The following RCSD1 variants were observed in gnomAD, a reference collection of about 807,000 sequenced individuals.
RCSD1 encodes the protein RCSD domain containing 1.
A neutral mutation model predicts 42.5 loss-of-function variants in RCSD1; 26 were observed. The ratio of observed to expected loss-of-function variants is 0.61; its 90% CI spans 0.45 to 0.85. The LOEUF (loss-of-function observed/expected upper bound fraction) is 0.85. Among genes scored for constraint, RCSD1 ranks in the 40% least tolerant of loss-of-function variants. RCSD1 has a pLI of 0.00. For missense variants in RCSD1, 571 were observed against 528.3 expected (o/e 1.08, Z -0.79); for synonymous variants, 220 against 212.2 (o/e 1.04, Z -0.32).
intron 6 of RCSD1, among the ~76,000 whole-genome samples, chr1:167,698,809 TTTTG>T (rs2101722981): frequency 1.3e-5 from 2 of 152,074 alleles, no homozygotes; most frequent in African/African-American, 4.8e-5. Context: ...TTGTTTTTGT[TTTTG>T]TTTTGAGAAG....
At position 167,657,697 on chromosome 1, in the gene RCSD1, G is replaced by A. The variant is rs529616789; in HGVS notation, c.7-26203G>A. ...CTGAGCAGATGGACTGCTCACTGCA[G>A]CGTTGTTTTCCAGGTATTTGTTCCC... On this transcript the variant is annotated intron_variant, in intron 1 of 6. Coordinates refer to ENST00000367854, the MANE Select transcript of RCSD1 (RefSeq NM_052862.4). Among the ~76,000 whole-genome samples, 3 of 152,272 alleles carry A rather than the reference G, an allele frequency of 2.0e-5. No individual in the cohort carries two copies. In the South Asian group the frequency reaches 6.2e-4, roughly 32 times the overall value.
At chr1:167,656,417 G>A (rs1269366965) in intron 1 of RCSD1, among the ~76,000 whole-genome samples, 1 of 152,136 alleles carries the variant, frequency 6.6e-6, no homozygotes, top group Non-Finnish European at 1.5e-5. Context: ...TGCTTTTACT[G>A]GAATAAAATG....
intron 1 of RCSD1, among the ~76,000 whole-genome samples, chr1:167,669,666 C>T (rs1208511162): frequency 2.0e-5 from 3 of 152,218 alleles, no homozygotes; most frequent in Admixed American, 2.0e-4. Flanking sequence ...GAATTATTAT[C>T]ATTGATTTCT....
In RCSD1 at chr1:167,652,170, C is replaced by T. The variant is rs7547868; in HGVS notation, c.6+21741C>T. On this transcript the variant is annotated intron_variant, in intron 1 of 6. Transcript: ENST00000367854. Reference sequence around the variant, plus strand: ...CTGAGTAGCTGGGATTACAGGCATGCACCACCATGCCCGGCTAATTTTTGT... The same window carrying T: ...CTGAGTAGCTGGGATTACAGGCATGTACCACCATGCCCGGCTAATTTTTGT... Among the ~76,000 whole-genome samples, 870 of 152,144 alleles carry T rather than the reference C, an allele frequency of 5.7e-3. 6 individuals are homozygous for T. The highest frequency in any genetic ancestry group is 0.02 in the African/African-American group (823 of 41,500).
chr1:167,697,677 T>G lies in RCSD1; in HGVS notation c.1053T>G (p.Ser351Arg). ...EGAAVKETPH[S>R]PPGGVKGGDV... ...CTGCAGTGAAGGAGACCCCCCACAG[T>G]CCCCCTGGAGGAGTGAAGGGCGGAG... Residue 351 changes from serine (S) to arginine (R), a missense_variant, in exon 6 of 7, where the codon AGT (serine) becomes AGG (arginine). Coordinates refer to ENST00000367854, the MANE Select transcript of RCSD1 (RefSeq NM_052862.4). 1 of 1,603,520 alleles carries G rather than the reference T, an allele frequency of 6.2e-7. No homozygotes were observed. The highest frequency in any genetic ancestry group is 8.5e-7 in the Non-Finnish European group (1 of 1,175,602).
intron 1 of RCSD1, among the ~76,000 whole-genome samples, chr1:167,643,883 C>T (rs1176228301): frequency 3.3e-5 from 5 of 152,156 alleles, no homozygotes; most frequent in South Asian, 4.1e-4. Flanking sequence ...CAGCCTCCTG[C>T]GCTTTTGGTG....
At chr1:167,654,427 C>T (rs1363147782) in intron 1 of RCSD1, among the ~76,000 whole-genome samples, 1 of 152,104 alleles carries the variant, frequency 6.6e-6, no homozygotes, top group Non-Finnish European at 1.5e-5. Flanking sequence ...ACAAGTTTAT[C>T]AAGGATGATT....
intron 1 of RCSD1, among the ~76,000 whole-genome samples, chr1:167,659,634 C>A (rs1658498544): frequency 6.6e-6 from 1 of 152,204 alleles, no homozygotes; most frequent in African/African-American, 2.4e-5. Flanking sequence ...TCCCCTTGGA[C>A]CACGTGTCCA....
In RCSD1 at chr1:167,683,883, T is replaced by C. The variant is rs1659148448; in HGVS notation, c.7-17T>C. ...ACCCATTTGCTGATTAACTGTTTCT[T>C]CTTCTCCATTTGCCAGGAAAGACCG... On this transcript the variant is annotated splice_polypyrimidine_tract_variant and intron_variant, in intron 1 of 6. Coordinates refer to ENST00000367854, the MANE Select transcript of RCSD1 (RefSeq NM_052862.4). The C allele has an allele frequency of 1.9e-6, 3 of 1,612,474 alleles. No individual in the cohort carries two copies. The highest frequency in any genetic ancestry group is 2.5e-6 in the Non-Finnish European group (3 of 1,179,050).
chr1:167,658,257 TA>T (rs1454678869), intron 1 of RCSD1, among the ~76,000 whole-genome samples: 1 of 152,162 alleles, frequency 6.6e-6, no homozygotes, highest in Non-Finnish European at 1.5e-5. Context: ...CATAACTATA[TA>T]AAAAATTACA....
At chr1:167,658,308 C>G (rs1047734220) in intron 1 of RCSD1, among the ~76,000 whole-genome samples, 2 of 152,164 alleles carry the variant, frequency 1.3e-5, no homozygotes, top group African/African-American at 2.4e-5. Context: ...GATACACACA[C>G]AAGGGGTAAG....
chr1:167,685,435 A>G lies in RCSD1; in HGVS notation c.123A>G (p.Lys41=). The change falls in exon 3 of 7, where the codon AAA becomes AAG. Residue 41 remains lysine, a synonymous_variant. Coordinates refer to ENST00000367854, the MANE Select transcript of RCSD1 (RefSeq NM_052862.4). The part of the protein sequence containing the change: ...AAAAKETPAS[K]PTRRKPPCSL... ...CCTCCCTCCAGACACCAGCCAGTAA[A>G]CCAACCCGAAGGAAACCGCCCTGTT... 6.2e-7 allele frequency: 1 copy of G among 1,613,572 alleles called. No individual in the cohort carries two copies. The highest frequency in any genetic ancestry group is 8.5e-7 in the Non-Finnish European group (1 of 1,179,794).
intron 1 of RCSD1, among the ~76,000 whole-genome samples, chr1:167,678,628 A>C (rs1659006637): frequency 6.7e-6 from 1 of 150,150 alleles, no homozygotes; most frequent in African/African-American, 2.5e-5. Context: ...ACCCTCTTCC[A>C]CTCCTGTCCC....
intron 2 of RCSD1, 61 bp downstream of exon 2, chr1:167,684,062 G>T: frequency 7.2e-7 from 1 of 1,389,520 alleles, no homozygotes. Flanking sequence ...GGGAAATCTG[G>T]TCAGGCCCAG....
chr1:167,704,115 C>A (rs1267743021), intron 6 of RCSD1, among the ~76,000 whole-genome samples: 1 of 152,122 alleles, frequency 6.6e-6, no homozygotes, highest in Non-Finnish European at 1.5e-5. Context: ...CAAAGTAATA[C>A]CTTCGGAATG....
intron 1 of RCSD1, among the ~76,000 whole-genome samples, chr1:167,635,068 A>G (rs1258987902): frequency 1.3e-5 from 2 of 152,108 alleles, no homozygotes; most frequent in Non-Finnish European, 1.5e-5. Context: ...TTTTAAAATT[A>G]TGGGACTAGG....
At chr1:167,690,144 T>A in intron 4 of RCSD1, 24 bp downstream of exon 4, 1 of 1,609,922 alleles carries the variant, frequency 6.2e-7, no homozygotes, top group Non-Finnish European at 8.5e-7. Context: ...TCATTGTCTA[T>A]TGCTACCTTT....
chr1:167,656,807 C>T (rs1374699208), intron 1 of RCSD1, among the ~76,000 whole-genome samples: 2 of 152,190 alleles, frequency 1.3e-5, no homozygotes, highest in Non-Finnish European at 2.9e-5. Flanking sequence ...ATGGGTCTTG[C>T]ACATTGGGAA....
At chr1:167,660,749 C>A (rs1437086007) in intron 1 of RCSD1, among the ~76,000 whole-genome samples, 1 of 152,204 alleles carries the variant, frequency 6.6e-6, no homozygotes, top group Non-Finnish European at 1.5e-5. Flanking sequence ...GCTGGGATTT[C>A]AGGTGTGAGC....
Sources: allele counts gnomAD v4.1 joint callset (sites outside exome capture counted in the v4.1 genomes callset), GRCh38; gene constraint gnomAD v4.1.1; transcripts MANE v1.5; gene names NCBI Gene and HGNC (gene_info 2026-07-23, HGNC 2026-07-21).